The following BEST3 variants were observed in gnomAD, a reference collection of about 807,000 sequenced individuals.
BEST3 encodes bestrophin 3.
In BEST3, 50 loss-of-function variants were observed where a neutral mutation model predicts 47.1. That is an observed-to-expected ratio of 1.06 (90% CI 0.85 to 1.34). BEST3 has a LOEUF of 1.34. Ranked by LOEUF, BEST3 falls within the 40% of genes most tolerant of loss-of-function variation. BEST3 has a pLI of 0.00. For missense variants in BEST3, 765 were observed against 817.0 expected, an observed-to-expected ratio of 0.94 and a Z score of 0.78; for synonymous variants, 282 against 298.8, an observed-to-expected ratio of 0.94 and a Z score of 0.58.
chr12:69,686,779 C>CGAAAAAAAAAAAACA (rs1555208517), intron 4 of BEST3, among the ~76,000 whole-genome samples: 10,161 of 99,282 alleles, frequency 0.1, 646 homozygotes, highest in East Asian at 0.24. Context: ...CTCAAAAAAA[C>CGAAAAAAAAAAAACA]AAAAAAAAAA....
At chr12:69,685,517 C>A (rs1402213118) in intron 4 of BEST3, among the ~76,000 whole-genome samples, 2 of 152,092 alleles carry the variant, frequency 1.3e-5, no homozygotes, top group African/African-American at 2.4e-5. Context: ...GCTCTACATA[C>A]CTAATGAATC....
chr12:69,654,705 T>C lies in BEST3; in HGVS notation c.*202A>G, dbSNP rs1883347020. ...AACTTCTGATGAAAGCCATGTTGTG[T>C]TGGATGACGTGAATGCGTTTGATTT... is the stretch of plus-strand genomic sequence containing the variant. On this transcript the variant is annotated 3_prime_UTR_variant, in exon 10 of 10. Transcript: ENST00000330891. 7.5e-7 allele frequency: 1 copy of C among 1,332,128 alleles called. No homozygotes were observed. The highest frequency in any genetic ancestry group is 9.6e-7 in the Non-Finnish European group (1 of 1,042,828). The allele number at this position is 1,332,128 out of a possible 1,614,324, so 82.5% of individuals were successfully genotyped here. A position where few individuals can be genotyped will look rare whatever the true frequency, so the allele number is the denominator to read the frequency against.
intron 9 of BEST3, among the ~76,000 whole-genome samples, chr12:69,656,749 C>T (rs142731401): frequency 4.6e-5 from 7 of 152,214 alleles, no homozygotes; most frequent in East Asian, 3.9e-4. Context: ...AGAGCAAATT[C>T]GGAAGTCTGG....
chr12:69,648,772 G>A (rs535986653), downstream of BEST3, among the ~76,000 whole-genome samples: 2 of 152,296 alleles, frequency 1.3e-5, no homozygotes, highest in Admixed American at 1.3e-4. Context: ...CTGAGGCAGA[G>A]GAATCCATGA....
intron 9 of BEST3, among the ~76,000 whole-genome samples, chr12:69,644,757 C>T (rs1034766495): frequency 1.3e-5 from 2 of 152,176 alleles, no homozygotes; most frequent in East Asian, 1.9e-4. Flanking sequence ...TTGATTATGA[C>T]ACAAACTCCA....
At chr12:69,695,982 A>G (rs1886118904) in intron 2 of BEST3, among the ~76,000 whole-genome samples, 1 of 152,166 alleles carries the variant, frequency 6.6e-6, no homozygotes, top group South Asian at 2.1e-4. Context: ...AAATAGAAAT[A>G]AATGTAATCA....
At chr12:69,684,432 C>T (rs530797471) in intron 4 of BEST3, 10 of 467,342 alleles carry the variant, frequency 2.1e-5, no homozygotes, top group Non-Finnish European at 4.0e-5. Flanking sequence ...AGACAAAATT[C>T]CAGTCATCAT....
intron 7 of BEST3, among the ~76,000 whole-genome samples, chr12:69,676,383 C>A (rs1439200903): frequency 3.3e-5 from 5 of 151,458 alleles, no homozygotes; most frequent in Admixed American, 6.6e-5. Context: ...TGTACTCCAT[C>A]CTGGACGACA....
chr12:69,684,482 G>T, intron 4 of BEST3: 1 of 563,718 alleles, frequency 1.8e-6, no homozygotes, highest in Non-Finnish European at 3.4e-6. Flanking sequence ...ATTTTTCCTT[G>T]ATTGAAGTTG....
At chr12:69,666,904 C>T (rs1233058118) in intron 9 of BEST3, among the ~76,000 whole-genome samples, 3 of 152,188 alleles carry the variant, frequency 2.0e-5, no homozygotes, top group Non-Finnish European at 2.9e-5. Context: ...TCACCTCTAC[C>T]GTCTACATCC....
intron 5 of BEST3, among the ~76,000 whole-genome samples, chr12:69,677,535 C>T (rs542992961): frequency 1.3e-5 from 2 of 152,162 alleles, no homozygotes; most frequent in Admixed American, 6.5e-5. Flanking sequence ...AATCCCAGCA[C>T]TTAGGGAGGC....
chr12:69,697,848 G>A (rs375818331), intron 1 of BEST3, 35 bp from the exon 2 acceptor site: 7 of 1,548,088 alleles, frequency 4.5e-6, no homozygotes, highest in Non-Finnish European at 6.1e-6. Context: ...CAAGTAAAAA[G>A]CAATGTTTAA....
Position 69,671,032 on chromosome 12 carries a change from A to G in BEST3, c.1100+396T>C, listed in dbSNP as rs111710313. 1.7e-3 allele frequency among the ~76,000 whole-genome samples: 254 copies of G among 152,320 alleles called. 1 individual carries two copies. The highest frequency in any genetic ancestry group is 5.8e-3 in the African/African-American group (239 of 41,558). On this transcript the variant is annotated intron_variant, in intron 9 of 9. Transcript: ENST00000330891. ...ACTTAGGGGTGATTGCTGTGTTAAA[A>G]CCACTGAACAGAGACTGACTTACAT...
At chr12:69,666,033 T>G (rs968355566) in intron 9 of BEST3, among the ~76,000 whole-genome samples, 1 of 152,198 alleles carries the variant, frequency 6.6e-6, no homozygotes, top group Non-Finnish European at 1.5e-5. Context: ...CTTCTTTTTT[T>G]TTCTGAGACA....
intron 9 of BEST3, among the ~76,000 whole-genome samples, chr12:69,662,161 CTT>C (rs1208650813): frequency 1.3e-5 from 2 of 152,160 alleles, no homozygotes; most frequent in African/African-American, 4.8e-5. Context: ...AAATTATAAA[CTT>C]AATGCACATT....
downstream of BEST3, among the ~76,000 whole-genome samples, chr12:69,652,548 A>G (rs1883244874): frequency 6.6e-6 from 1 of 152,256 alleles, no homozygotes. Context: ...TTGCAAGAAG[A>G]AAATGAGAGT....
Position 69,645,530 on chromosome 12 carries a change from A to G in BEST3, c.1101-1743T>C, listed in dbSNP as rs1162531940. Among the ~76,000 whole-genome samples the G allele has an allele frequency of 2.0e-5, 3 of 152,282 alleles. No individual in the cohort carries two copies. The East Asian group carries it at 5.8e-4, about 29-fold the overall frequency. On this transcript the variant is annotated intron_variant, in intron 9 of 9. Transcript: ENST00000331471. Reference sequence around the variant, plus strand: ...TACGGTGATTGCTGATTGACTGTTCATCAGTTGTGTGCTGCAAACATAACT... The same window carrying G: ...TACGGTGATTGCTGATTGACTGTTCGTCAGTTGTGTGCTGCAAACATAACT...
Position 69,691,504 on chromosome 12 carries a change from AG to A in BEST3, c.481+2169del, listed in dbSNP as rs529609558. On this transcript the variant is annotated intron_variant, in intron 4 of 9. Transcript: ENST00000330891. ...CAGAGTCAAGAAGCCACCAGGAAAA[AG>A]CAGTTGAGGCCAGGCATGGTGGTTC... Among the ~76,000 whole-genome samples, 129 of 152,310 alleles carry A rather than the reference AG, an allele frequency of 8.5e-4. 2 individuals carry two copies. Among genetic ancestry groups the A allele is most frequent in the South Asian group, 7.5e-3 (36 of 4,824 alleles).
At chr12:69,685,616 G>A (rs575750612) in intron 4 of BEST3, among the ~76,000 whole-genome samples, 1 of 152,244 alleles carries the variant, frequency 6.6e-6, no homozygotes, top group Admixed American at 6.5e-5. Context: ...TTGAACAACT[G>A]CCCTAGTGCT....
Sources: allele counts gnomAD v4.1 joint callset (sites outside exome capture counted in the v4.1 genomes callset), GRCh38; gene constraint gnomAD v4.1.1; transcripts MANE v1.5; gene names NCBI Gene and HGNC (gene_info 2026-07-23, HGNC 2026-07-21).